The following NOX4 variants were observed in gnomAD, a reference collection of about 807,000 sequenced individuals.
The protein encoded by NOX4 is NADPH oxidase 4.
NOX4 carries 69 observed loss-of-function variants against 87.6 expected under a neutral mutation model. The observed-to-expected ratio is 0.79, with a 90% CI of 0.65 to 0.96. NOX4 has a LOEUF of 0.96. Among genes scored for constraint, NOX4 ranks in the 40% least tolerant of loss-of-function variants. The pLI is 0.00. For missense variants in NOX4, 680 were observed against 681.5 expected, an observed-to-expected ratio of 1.00 and a Z score of 0.02; for synonymous variants, 275 against 238.2, an observed-to-expected ratio of 1.15 and a Z score of -1.42.
chr11:89,541,992 G>A, the NOX4 span, among the ~76,000 whole-genome samples: 1 of 148,388 alleles, frequency 6.7e-6, no homozygotes, highest in Non-Finnish European at 1.5e-5. Context: ...TTTTTTTTTT[G>A]TAGATACAGA....
the NOX4 span, among the ~76,000 whole-genome samples, chr11:89,559,576 AAATAT>A: frequency 6.6e-6 from 1 of 152,188 alleles, no homozygotes. Flanking sequence ...TCTGCTATGT[AAATAT>A]AATAGATGCA....
chr11:89,376,493 G>C (rs1343218105), intron 11 of NOX4, among the ~76,000 whole-genome samples: 1 of 152,000 alleles, frequency 6.6e-6, no homozygotes. Flanking sequence ...CAGCTCTATC[G>C]TTCTCCTAAA....
intron 4 of NOX4, among the ~76,000 whole-genome samples, chr11:89,444,835 A>T (rs1167101046): frequency 7.2e-5 from 11 of 152,144 alleles, no homozygotes; most frequent in Admixed American, 5.3e-4. Flanking sequence ...ATCACAATAA[A>T]CAAAGGGCTC....
upstream of NOX4, among the ~76,000 whole-genome samples, chr11:89,491,727 TACACACACACACAC>T (rs66820323): frequency 2.1e-5 from 3 of 140,748 alleles, no homozygotes; most frequent in East Asian, 2.5e-4. Context: ...CGCCCCCTTG[TACACACACACACAC>T]ACACACACAC....
At chr11:89,460,761 G>C (rs554019618) in intron 2 of NOX4, among the ~76,000 whole-genome samples, 38 of 152,206 alleles carry the variant, frequency 2.5e-4, no homozygotes, top group African/African-American at 8.4e-4. Context: ...GATTCCTCAG[G>C]GATCTAGAAC....
the NOX4 span, among the ~76,000 whole-genome samples, chr11:89,568,063 G>A: frequency 1.3e-5 from 2 of 152,088 alleles, no homozygotes; most frequent in African/African-American, 2.4e-5. Flanking sequence ...TTAACCTCAC[G>A]GGGACAGAGA....
chr11:89,547,608 T>G, the NOX4 span, among the ~76,000 whole-genome samples: 2 of 152,306 alleles, frequency 1.3e-5, no homozygotes, highest in East Asian at 3.9e-4. Context: ...TTCAAGTGAT[T>G]AATACAACAT....
intron 2 of NOX4, 21 bp downstream of exon 2, chr11:89,490,437 A>G: frequency 2.0e-6 from 3 of 1,515,030 alleles, no homozygotes; most frequent in Non-Finnish European, 2.8e-6. Flanking sequence ...CCACCAGATT[A>G]TCCAAGTTCA....
chr11:89,471,510 C>G (rs1945938634), intron 2 of NOX4, among the ~76,000 whole-genome samples: 1 of 152,018 alleles, frequency 6.6e-6, no homozygotes, highest in African/African-American at 2.4e-5. Flanking sequence ...AGGTCTATGG[C>G]AGAAAATTGG....
At chr11:89,327,549 A>G (rs1945272275) in intron 17 of NOX4, among the ~76,000 whole-genome samples, 1 of 152,170 alleles carries the variant, frequency 6.6e-6, no homozygotes, top group African/African-American at 2.4e-5. Flanking sequence ...TCTCTAACAA[A>G]TAGACTAAAT....
At chr11:89,439,877 A>G (rs1163196616) in intron 6 of NOX4, among the ~76,000 whole-genome samples, 1 of 152,212 alleles carries the variant, frequency 6.6e-6, no homozygotes, top group Non-Finnish European at 1.5e-5. Flanking sequence ...CACATTTCAA[A>G]GAAATAACTT....
the NOX4 span, among the ~76,000 whole-genome samples, chr11:89,542,223 C>G: frequency 6.6e-6 from 1 of 152,174 alleles, no homozygotes. Flanking sequence ...TTGTGCACAA[C>G]TGAAGATTGA....
At chr11:89,491,397 C>T, upstream of NOX4, 4 of 681,584 alleles carry the variant, frequency 5.9e-6, no homozygotes, top group Non-Finnish European at 9.3e-6. Flanking sequence ...GGCCCGGCGC[C>T]GAGCCAGCCC....
intron 2 of NOX4, among the ~76,000 whole-genome samples, chr11:89,471,713 CT>C (rs764595725): frequency 6.6e-6 from 1 of 152,026 alleles, no homozygotes; most frequent in Admixed American, 6.6e-5. Context: ...GATTACCTAA[CT>C]TTTTTGATTG....
chr11:89,405,115 T>TGTGTGTGTGTGTGTGTGTGTGTGTGTG (rs58137988), intron 8 of NOX4, among the ~76,000 whole-genome samples: 1 of 149,912 alleles, frequency 6.7e-6, no homozygotes, highest in Non-Finnish European at 1.5e-5. Flanking sequence ...TGTGTGTGTG[T>TGTGTGTGTGTGTGTGTGTGTGTGTGTG]TGGAATGGGG....
intron 11 of NOX4, among the ~76,000 whole-genome samples, chr11:89,398,232 T>A (rs183125727): frequency 3.3e-5 from 5 of 152,000 alleles, no homozygotes; most frequent in African/African-American, 1.2e-4. Context: ...ATTATCTCAA[T>A]AGATGCAGAA....
At chr11:89,462,347 C>T (rs534967607) in intron 2 of NOX4, among the ~76,000 whole-genome samples, 1 of 152,196 alleles carries the variant, frequency 6.6e-6, no homozygotes, top group South Asian at 2.1e-4. Context: ...AATAGGTTTT[C>T]TTCATAAAAC....
intron 12 of NOX4, among the ~76,000 whole-genome samples, chr11:89,365,456 A>G (rs774392220): frequency 1.3e-4 from 5 of 37,996 alleles, no homozygotes; most frequent in African/African-American, 6.6e-4. Context: ...AGAGGGTGGG[A>G]AAAAAAAAAA....
chr11:89,505,399 C>T, the NOX4 span, among the ~76,000 whole-genome samples: 2 of 151,728 alleles, frequency 1.3e-5, no homozygotes, highest in Non-Finnish European at 2.9e-5. Flanking sequence ...TAACATTAAT[C>T]GGTGCAAAAG....
Sources: allele counts gnomAD v4.1 joint callset (sites outside exome capture counted in the v4.1 genomes callset), GRCh38; gene constraint gnomAD v4.1.1; transcripts MANE v1.5; gene names NCBI Gene and HGNC (gene_info 2026-07-23, HGNC 2026-07-21).